Variants in CNTN3 observed in about 807,000 individuals in gnomAD.
The protein encoded by CNTN3 is contactin 3.
Under a neutral mutation model 119.1 loss-of-function variants are expected in CNTN3, and 60 were observed. The observed-to-expected ratio is 0.50, with a 90% CI of 0.41 to 0.62. The LOEUF (loss-of-function observed/expected upper bound fraction) is 0.62, where lower values mean the gene tolerates loss of function less well. CNTN3 is among the 20% of genes least tolerant of loss of function. The pLI, the probability that CNTN3 is intolerant of heterozygous loss-of-function variation, is 0.00. For synonymous variants in CNTN3, 450 were observed against 438.7 expected (o/e 1.03, Z -0.32); for missense variants, 1,101 against 1,242.4 (o/e 0.89, Z 1.71).
chr3:74,427,456 T>C (rs886317247), intron 4 of CNTN3, among the ~76,000 whole-genome samples: 2 of 152,162 alleles, frequency 1.3e-5, no homozygotes, highest in African/African-American at 4.8e-5. Flanking sequence ...TTCTCCTTTT[T>C]TGCAACACTA....
At chr3:74,297,478 T>A (rs1472134142) in intron 18 of CNTN3, among the ~76,000 whole-genome samples, 1 of 149,244 alleles carries the variant, frequency 6.7e-6, no homozygotes, top group African/African-American at 2.5e-5. Context: ...TGGGCTGGAG[T>A]GGAAAGAGGA....
chr3:74,446,850 T>C (rs1332093911), intron 4 of CNTN3, among the ~76,000 whole-genome samples: 1 of 152,052 alleles, frequency 6.6e-6, no homozygotes, highest in African/African-American at 2.4e-5. Flanking sequence ...AGGGTATAAG[T>C]TTTTTTGAGT....
At chr3:74,451,728 C>T (rs1185232662) in intron 4 of CNTN3, among the ~76,000 whole-genome samples, 1 of 150,836 alleles carries the variant, frequency 6.6e-6, no homozygotes, top group African/African-American at 2.4e-5. Flanking sequence ...CAGCTTTCTA[C>T]ATATGGCTAG....
chr3:74,336,848 G>A (rs754954774), intron 11 of CNTN3, among the ~76,000 whole-genome samples, 190 bp from the exon 12 acceptor site: 21 of 150,566 alleles, frequency 1.4e-4, no homozygotes, highest in Admixed American at 3.3e-4. Context: ...ATAAACACAC[G>A]CACAGCATTG....
intron 1 of CNTN3, among the ~76,000 whole-genome samples, chr3:74,583,394 A>T (rs1403410483): frequency 6.6e-6 from 1 of 150,866 alleles, no homozygotes; most frequent in East Asian, 1.9e-4. Flanking sequence ...GAAAAAAAAA[A>T]CCAGTGATAC....
chr3:74,465,049 G>A (rs771157727), intron 4 of CNTN3, among the ~76,000 whole-genome samples: 2 of 152,156 alleles, frequency 1.3e-5, no homozygotes, highest in Non-Finnish European at 2.9e-5. Context: ...TTCTAGCCAA[G>A]AGTATATGTA....
At chr3:74,541,958 G>A (rs909493115) in intron 1 of CNTN3, among the ~76,000 whole-genome samples, 2 of 152,142 alleles carry the variant, frequency 1.3e-5, no homozygotes, top group African/African-American at 4.8e-5. Context: ...TATGGACTGG[G>A]TGCAGTGGCT....
At chr3:74,352,047 C>T (rs1162089811) in intron 11 of CNTN3, among the ~76,000 whole-genome samples, 1 of 152,178 alleles carries the variant, frequency 6.6e-6, no homozygotes, top group Non-Finnish European at 1.5e-5. Flanking sequence ...AAGAGTTCTG[C>T]CTCCAATGTT....
chr3:74,556,725 A>G (rs1704075207), intron 1 of CNTN3, among the ~76,000 whole-genome samples: 1 of 152,198 alleles, frequency 6.6e-6, no homozygotes, highest in Non-Finnish European at 1.5e-5. Flanking sequence ...ACTGTTTTCC[A>G]ATGTAACTCC....
Position 74,369,948 on chromosome 3 carries a change from T to G in CNTN3, c.702A>C (p.Pro234=). 2 of 1,608,484 alleles carry G rather than the reference T, an allele frequency of 1.2e-6. No individual in the cohort carries two copies. Among genetic ancestry groups the G allele is most frequent in the South Asian group, 1.1e-5 (1 of 90,732 alleles). The change falls in exon 7 of 23, where the codon CCA becomes CCC. Residue 234 remains proline, a synonymous_variant. Coordinates refer to ENST00000263665, the MANE Select transcript of CNTN3 (RefSeq NM_020872.3). ...EYEPKIEVQF[P]ETLPAAKGST... is the part of the protein sequence containing the mutation. ...AACCTTTAGCTGCTGGAAGAGTTTC[T>G]GGAAACTGAACTTCTATTTTAGGTT... is the stretch of plus-strand genomic sequence containing the variant.
At chr3:74,560,322 G>A (rs1704134250) in intron 1 of CNTN3, among the ~76,000 whole-genome samples, 1 of 152,126 alleles carries the variant, frequency 6.6e-6, no homozygotes, top group South Asian at 2.1e-4. Context: ...ACTTATTATG[G>A]ATGTTGTTGT....
intron 1 of CNTN3, among the ~76,000 whole-genome samples, chr3:74,595,144 GT>G (rs945267045): frequency 6.6e-5 from 10 of 151,706 alleles, no homozygotes; most frequent in Non-Finnish European, 1.3e-4. Context: ...TGATGCGGCT[GT>G]TTTTTTCTTG....
chr3:74,402,938 G>GA (rs1307293920), intron 5 of CNTN3, among the ~76,000 whole-genome samples: 1 of 152,152 alleles, frequency 6.6e-6, no homozygotes, highest in Non-Finnish European at 1.5e-5. Flanking sequence ...ATGGTGCTCT[G>GA]AGTTCTGGGA....
chr3:74,311,426 C>T (rs554412991), intron 13 of CNTN3, among the ~76,000 whole-genome samples: 4 of 152,254 alleles, frequency 2.6e-5, no homozygotes, highest in South Asian at 2.1e-4. Flanking sequence ...TTTATAAAAT[C>T]AGAATGTTTT....
chr3:74,338,495 C>CGTATGTGTACACACGTGCGT (rs1559553791), intron 11 of CNTN3, among the ~76,000 whole-genome samples: 3 of 149,312 alleles, frequency 2.0e-5, no homozygotes, highest in African/African-American at 7.3e-5. Context: ...TACACACGTG[C>CGTATGTGTACACACGTGCGT]GTGTGTGTGT....
chr3:74,486,005 GTCTT>G (rs1253973770), intron 4 of CNTN3, among the ~76,000 whole-genome samples: 2 of 152,142 alleles, frequency 1.3e-5, no homozygotes, highest in Non-Finnish European at 2.9e-5. Flanking sequence ...TGTTCTGACA[GTCTT>G]TCTTCCTTAA....
rs757501800 is a variant in CNTN3 at position 74,499,705 on chromosome 3, T to G, written c.136A>C (p.Ile46Leu). 3 of 1,611,392 alleles carry G rather than the reference T, an allele frequency of 1.9e-6. No homozygotes were observed. The highest frequency in any genetic ancestry group is 3.3e-5 in the Admixed American group (2 of 59,838). ...CCTCTTGCTTCACAATGCAAAGTTA[T>G]TTTTTTATCTTCTGAACCAACAGGG... ...IFPVGSEDKK[I>L]TLHCEARGNP... is the part of the protein sequence containing the mutation. The change falls in exon 3 of 23, where the codon ATA (isoleucine) becomes CTA (leucine). Residue 46 changes from isoleucine to leucine, a missense_variant. Transcript: ENST00000263665.
intron 1 of CNTN3, among the ~76,000 whole-genome samples, chr3:74,524,099 T>C (rs938711147): frequency 6.6e-6 from 1 of 151,918 alleles, no homozygotes; most frequent in African/African-American, 2.4e-5. Flanking sequence ...CAGGAAAGTG[T>C]ATGAGAAGGC....
intron 13 of CNTN3, among the ~76,000 whole-genome samples, chr3:74,327,560 C>T (rs1202331156): frequency 1.3e-5 from 2 of 152,068 alleles, no homozygotes; most frequent in Non-Finnish European, 2.9e-5. Flanking sequence ...TAGGACTATG[C>T]TAGACTAACA....
Sources: allele counts gnomAD v4.1 joint callset (sites outside exome capture counted in the v4.1 genomes callset), GRCh38; gene constraint gnomAD v4.1.1; transcripts MANE v1.5; gene names NCBI Gene and HGNC (gene_info 2026-07-23, HGNC 2026-07-21).